RUNDC3A: variants seen among roughly 807,000 people sequenced by gnomAD.
RUNDC3A encodes RUN domain-containing protein 3A.
A neutral mutation model predicts 53.9 loss-of-function variants in RUNDC3A; 28 were observed. The ratio of observed to expected loss-of-function variants is 0.52; its 90% CI spans 0.38 to 0.71. The LOEUF (loss-of-function observed/expected upper bound fraction) is 0.71. Ranked by LOEUF, RUNDC3A falls within the 30% of genes least tolerant of loss-of-function variation. The pLI, the probability that RUNDC3A is intolerant of heterozygous loss-of-function variation, is 0.00. For missense variants in RUNDC3A, 491 were observed against 597.3 expected (o/e 0.82, Z 1.85); for synonymous variants, 232 against 249.4 (o/e 0.93, Z 0.66).
chr17:44,311,252 T>A, intron 1 of RUNDC3A: 1 of 985,518 alleles, frequency 1.0e-6, no homozygotes, highest in Non-Finnish European at 1.2e-6. Flanking sequence ...GGTCCAAGGC[T>A]GGAGACTTGC....
At position 44,318,419 on chromosome 17, in the gene RUNDC3A, C is replaced by A. The variant is rs2047918917; in HGVS notation, c.*181C>A. ...CTTTCTGCCTTGGCAGCACGGGCTG[C>A]GGAAGAAAGCACGCTGGGCCAGGAG... On this transcript the variant is annotated 3_prime_UTR_variant, in exon 11 of 11. Coordinates refer to ENST00000426726, the MANE Select transcript of RUNDC3A (RefSeq NM_001144825.2). 3 of 714,254 alleles carry A rather than the reference C, an allele frequency of 4.2e-6. No individual in the cohort carries two copies. The highest frequency in any genetic ancestry group is 6.7e-6 in the Non-Finnish European group (3 of 447,132). The allele number at this position is 714,254 out of a possible 1,614,324, so 44.2% of individuals were successfully genotyped here.
Position 44,315,732 on chromosome 17 carries a change from C to A in RUNDC3A, c.953+123C>A. 1 of 917,834 alleles carries A rather than the reference C, an allele frequency of 1.1e-6. No individual in the cohort carries two copies. Among genetic ancestry groups the A allele is most frequent in the Non-Finnish European group, 1.5e-6 (1 of 673,976 alleles). 56.9% of individuals were successfully genotyped at this position (917,834 alleles called of 1,614,324 possible). A position where few individuals can be genotyped will look rare whatever the true frequency, so the allele number is the denominator to read the frequency against. On this transcript the variant is annotated intron_variant, in intron 8 of 10. Coordinates refer to ENST00000426726, the MANE Select transcript of RUNDC3A (RefSeq NM_001144825.2). This position sits in a 1 kb window ranked among gnomAD's most constrained non-coding sequence, Gnocchi z 6.1. ...ACACGAGCACCCACCTCTCCAGCATCAACCCTCTGATCCAGCCAGCCCCAC... is the reference window on the plus strand; with the variant it reads ...ACACGAGCACCCACCTCTCCAGCATAAACCCTCTGATCCAGCCAGCCCCAC...
chr17:44,313,001 T>G, intron 2 of RUNDC3A, 103 bp from the exon 3 acceptor site: 2 of 1,302,490 alleles, frequency 1.5e-6, no homozygotes, highest in Non-Finnish European at 2.2e-6. Context: ...GCACAGATCT[T>G]TGTGGGAGGA....
At chr17:44,314,155 G>T (rs1243426959) in intron 4 of RUNDC3A, 1 of 992,256 alleles carries the variant, frequency 1.0e-6, no homozygotes, top group Non-Finnish European at 1.2e-6. Flanking sequence ...TCCAAACAAC[G>T]AAAGCAGTTC....
chr17:44,310,516 G>A (rs1428494944), intron 1 of RUNDC3A, among the ~76,000 whole-genome samples: 1 of 152,162 alleles, frequency 6.6e-6, no homozygotes, highest in Non-Finnish European at 1.5e-5. Flanking sequence ...GAGCTGGGAG[G>A]GAAGGATAGA....
chr17:44,317,106 A>G, intron 10 of RUNDC3A: 1 of 389,892 alleles, frequency 2.6e-6, no homozygotes, highest in Non-Finnish European at 4.7e-6. Context: ...TTGGCCTCCC[A>G]AAGTGCTGGG....
intron 3 of RUNDC3A, 62 bp downstream of exon 3, chr17:44,313,314 T>C (rs1373624267): frequency 1.2e-6 from 2 of 1,607,166 alleles, no homozygotes; most frequent in African/African-American, 1.3e-5. Context: ...GCCTGTTTCT[T>C]GGTTTTTGCC....
rs1038697722 is a variant in RUNDC3A at position 44,315,367 on chromosome 17, A to G, written c.795+47A>G. 3 of 1,245,240 alleles carry G rather than the reference A, an allele frequency of 2.4e-6. No individual in the cohort carries two copies. The highest frequency in any genetic ancestry group is 3.0e-6 in the Non-Finnish European group (3 of 984,490). 77.1% of individuals were successfully genotyped at this position (1,245,240 alleles called of 1,614,324 possible). A position where few individuals can be genotyped will look rare whatever the true frequency, so the allele number is the denominator to read the frequency against. On this transcript the variant is annotated intron_variant, in intron 7 of 10. Transcript: ENST00000426726. The surrounding 1 kb of genome is among the most constrained non-coding windows in gnomAD (Gnocchi z 6.1). ...GGGGGGCGGGCGGGCCGGGCGGGGG[A>G]TCCGGGCATCCCGGGGCGGGGCGGG...
chr17:44,317,755 G>A, intron 10 of RUNDC3A: 1 of 607,752 alleles, frequency 1.6e-6, no homozygotes, highest in East Asian at 2.8e-5. Context: ...ACCAGACTGT[G>A]AGCTCCATGA....
chr17:44,315,359 G>A lies in RUNDC3A; in HGVS notation c.795+39G>A. ...GCGGGCCCGGGGGGCGGGCGGGCCG[G>A]GCGGGGGATCCGGGCATCCCGGGGC... On this transcript the variant is annotated intron_variant, in intron 7 of 10. Transcript: ENST00000426726. The surrounding 1 kb of genome is among the most constrained non-coding windows in gnomAD (Gnocchi z 6.1). 7.6e-7 allele frequency: 1 copy of A among 1,314,194 alleles called. No individual in the cohort carries two copies. The highest frequency in any genetic ancestry group is 9.7e-7 in the Non-Finnish European group (1 of 1,026,902). The allele number at this position is 1,314,194 out of a possible 1,614,324, so 81.4% of individuals were successfully genotyped here. A position where few individuals can be genotyped will look rare whatever the true frequency, so the allele number is the denominator to read the frequency against.
intron 1 of RUNDC3A, chr17:44,311,261 G>A: frequency 1.0e-6 from 1 of 985,550 alleles, no homozygotes; most frequent in South Asian, 4.7e-5. Context: ...CTGGAGACTT[G>A]CAGAGTAGAG....
chr17:44,310,608 C>T, intron 1 of RUNDC3A: 1 of 738,008 alleles, frequency 1.4e-6, no homozygotes, highest in Non-Finnish European at 1.7e-6. Flanking sequence ...GGTTTGCCTC[C>T]AGCTCCCAGA....
Position 44,317,971 on chromosome 17 carries a change from A to T in RUNDC3A, c.1199-125A>T, listed in dbSNP as rs190847539. On this transcript the variant is annotated intron_variant, in intron 10 of 10. Coordinates refer to ENST00000426726, the MANE Select transcript of RUNDC3A (RefSeq NM_001144825.2). Reference sequence around the variant, plus strand: ...ACCAAAGTTTAACTGAAAATGGCAAATGCTGTGGAATATGCCAAGGTCTCC... The same window carrying T: ...ACCAAAGTTTAACTGAAAATGGCAATTGCTGTGGAATATGCCAAGGTCTCC... 3 of 971,646 alleles carry T rather than the reference A, an allele frequency of 3.1e-6. No individual in the cohort carries two copies. The African/African-American group carries it at 4.9e-5, about 16-fold the overall frequency. The allele number at this position is 971,646 out of a possible 1,614,324, so 60.2% of individuals were successfully genotyped here.
At position 44,315,347 on chromosome 17, in the gene RUNDC3A, GCGGGCGGGCCGGGCGGGGGATC is replaced by G. The variant is rs1418606493; in HGVS notation, c.795+33_795+54del. 3.0e-6 allele frequency: 4 copies of G among 1,337,790 alleles called. No individual in the cohort carries two copies. The African/African-American group carries it at 6.1e-5, about 20-fold the overall frequency. 82.9% of individuals were successfully genotyped at this position (1,337,790 alleles called of 1,614,324 possible). On this transcript the variant is annotated intron_variant, in intron 7 of 10. Coordinates refer to ENST00000426726, the MANE Select transcript of RUNDC3A (RefSeq NM_001144825.2). This position sits in a 1 kb window ranked among gnomAD's most constrained non-coding sequence, Gnocchi z 6.1. ...TGCGCGACGCCGGCGGGCCCGGGGG[GCGGGCGGGCCGGGCGGGGGATC>G]CGGGCATCCCGGGGCGGGGCGGGGA...
At chr17:44,311,445 A>C in intron 1 of RUNDC3A, 1 of 693,994 alleles carries the variant, frequency 1.4e-6, no homozygotes, top group Non-Finnish European at 1.8e-6. Flanking sequence ...TTGGACCATC[A>C]ATTTCTTTAC....
At chr17:44,310,409 C>T (rs1490712400) in intron 1 of RUNDC3A, among the ~76,000 whole-genome samples, 2 of 152,166 alleles carry the variant, frequency 1.3e-5, no homozygotes, top group Non-Finnish European at 2.9e-5. Flanking sequence ...CTCTTGCCTG[C>T]CAAGGTAGCT....
In RUNDC3A at chr17:44,308,892, C is replaced by G. The variant is rs999189372; in HGVS notation, c.60C>G (p.Ser20=). ...MALGLSSKKA[S]SRNVAVERKN... The stretch of plus-strand genomic sequence containing the variant: ...TGGGGCTGTCCTCCAAGAAAGCGTC[C>G]TCTCGCAACGTGGCTGTGGAGCGTA... The change falls in exon 1 of 11, where the codon TCC becomes TCG. Residue 20 remains serine, a synonymous_variant. Coordinates refer to ENST00000426726, the MANE Select transcript of RUNDC3A (RefSeq NM_001144825.2). 6.2e-7 allele frequency: 1 copy of G among 1,611,788 alleles called. No individual in the cohort carries two copies.
chr17:44,313,534 G>T (rs1234019340), intron 4 of RUNDC3A, 31 bp downstream of exon 4: 3 of 1,596,406 alleles, frequency 1.9e-6, no homozygotes, highest in Non-Finnish European at 2.6e-6. Context: ...CAGACCACAG[G>T]TCTCAGAGTG....
intron 1 of RUNDC3A, chr17:44,311,264 G>T: frequency 3.0e-6 from 3 of 985,556 alleles, no homozygotes; most frequent in Non-Finnish European, 3.6e-6. Context: ...GAGACTTGCA[G>T]AGTAGAGGAC....
Sources: allele counts gnomAD v4.1 joint callset (sites outside exome capture counted in the v4.1 genomes callset), GRCh38; gene constraint gnomAD v4.1.1; non-coding constraint Gnocchi (gnomAD v3.1); transcripts MANE v1.5; gene names NCBI Gene and HGNC (gene_info 2026-07-23, HGNC 2026-07-21).